The following XRCC2 variants were observed in gnomAD, a reference collection of about 807,000 sequenced individuals.
XRCC2 encodes DNA repair protein XRCC2.
In XRCC2, 24 loss-of-function variants were observed where a neutral mutation model predicts 27.3. That is an observed-to-expected ratio of 0.88 (90% CI 0.64 to 1.24). The LOEUF (loss-of-function observed/expected upper bound fraction) is 1.24. Among genes scored for constraint, XRCC2 ranks in the 50% most tolerant of loss-of-function variants. The pLI is 0.00. For synonymous variants in XRCC2, 106 were observed against 115.4 expected (o/e 0.92, Z 0.52); for missense variants, 321 against 325.8 (o/e 0.99, Z 0.11).
intron 2 of XRCC2, among the ~76,000 whole-genome samples, chr7:152,652,565 G>A (rs2116991497): frequency 6.6e-6 from 1 of 152,278 alleles, no homozygotes; most frequent in East Asian, 1.9e-4. Flanking sequence ...CTGAGGTAGG[G>A]AAAGCAAACT....
chr7:152,674,789 T>TTATATATAA (rs74203152), intron 1 of XRCC2, among the ~76,000 whole-genome samples: 2 of 125,030 alleles, frequency 1.6e-5, no homozygotes, highest in East Asian at 2.4e-4. Flanking sequence ...TAAATATATA[T>TTATATATAA]ATATCTATGG....
At chr7:152,661,422 C>T (rs747615407) in intron 1 of XRCC2, among the ~76,000 whole-genome samples, 1 of 152,076 alleles carries the variant, frequency 6.6e-6, no homozygotes, top group Non-Finnish European at 1.5e-5. Flanking sequence ...TTTGTCTGCC[C>T]CATTCATTGT....
At chr7:152,674,278 C>CA (rs1174871544) in intron 1 of XRCC2, among the ~76,000 whole-genome samples, 1 of 152,038 alleles carries the variant, frequency 6.6e-6, no homozygotes, top group Non-Finnish European at 1.5e-5. Context: ...GTTCTGATTG[C>CA]AAAAATCATC....
At chr7:152,666,592 A>G (rs997098481) in intron 1 of XRCC2, among the ~76,000 whole-genome samples, 6 of 151,926 alleles carry the variant, frequency 3.9e-5, no homozygotes, top group Non-Finnish European at 2.9e-5. Context: ...CTGAAAGAGT[A>G]TAACTCAAAG....
intron 1 of XRCC2, among the ~76,000 whole-genome samples, chr7:152,662,733 C>T (rs542543607): frequency 2.9e-4 from 44 of 150,842 alleles, no homozygotes; most frequent in Middle Eastern, 3.4e-3. Flanking sequence ...CCACTACGCC[C>T]GGCTAATTTT....
chr7:152,662,991 G>C (rs3218459), intron 1 of XRCC2, among the ~76,000 whole-genome samples: 89 of 152,238 alleles, frequency 5.8e-4, no homozygotes, highest in African/African-American at 2.1e-3. Context: ...GAAGCACTGT[G>C]CTAGGTAAAA....
chr7:152,662,722 G>A (rs1347751529), intron 1 of XRCC2, among the ~76,000 whole-genome samples: 3 of 150,350 alleles, frequency 2.0e-5, no homozygotes, highest in East Asian at 2.0e-4. Flanking sequence ...ACAGGCGCCC[G>A]CCACTACGCC....
intron 1 of XRCC2, among the ~76,000 whole-genome samples, chr7:152,668,512 C>T (rs962805067): frequency 6.6e-6 from 1 of 151,604 alleles, no homozygotes; most frequent in South Asian, 2.1e-4. Flanking sequence ...GTTTCAGAAG[C>T]GAAAGAAGAG....
At chr7:152,659,143 GT>G (rs369420541) in intron 2 of XRCC2, among the ~76,000 whole-genome samples, 42 of 148,228 alleles carry the variant, frequency 2.8e-4, no homozygotes, top group East Asian at 2.7e-3. Context: ...GCTATTTCCT[GT>G]TTTTTTTTTG....
At chr7:152,672,974 C>A (rs2098038748) in intron 1 of XRCC2, among the ~76,000 whole-genome samples, 1 of 152,018 alleles carries the variant, frequency 6.6e-6, no homozygotes, top group South Asian at 2.1e-4. Context: ...GTGGATGATA[C>A]CAAAATACTG....
chr7:152,646,875 A>G lies in XRCC2; in HGVS notation c.*1767T>C, dbSNP rs1462635874. 2 of 152,098 alleles carry G rather than the reference A, an allele frequency of 1.3e-5. No homozygotes were observed. The highest frequency in any genetic ancestry group is 2.4e-5 in the African/African-American group (1 of 41,350). The allele number at this position is 152,098 out of a possible 1,614,324, so 9.4% of individuals were successfully genotyped here. A position where few individuals can be genotyped will look rare whatever the true frequency, so the allele number is the denominator to read the frequency against. On this transcript the variant is annotated 3_prime_UTR_variant, in exon 3 of 3. Transcript: ENST00000359321. ...ACTGATGGGCAGTGCTGCAACGAAC[A>G]TACGCGTGCATGTGTCTTTATAACA...
rs3218529 is a variant in XRCC2, at chr7:152,650,156, A to T, written c.122-793T>A. On this transcript the variant is annotated intron_variant, in intron 2 of 2. Transcript: ENST00000359321. ...CAGTGTTATTGATGTTATGGGGGGA[A>T]CAATTCTGGATTTTGTGGTTTCACA... Among the ~76,000 whole-genome samples, 1,398 of 152,332 alleles carry T rather than the reference A, an allele frequency of 9.2e-3. 20 individuals carry two copies. The highest frequency in any genetic ancestry group is 0.031 in the African/African-American group (1,272 of 41,568).
intron 1 of XRCC2, chr7:152,663,846 C>A (rs117946176): frequency 0.38 from 57,503 of 151,634 alleles, 12,588 homozygotes; most frequent in Non-Finnish European, 0.46. Flanking sequence ...CCCCCTGCCC[C>A]CCCCCCCCAA....
chr7:152,657,956 C>CTTTGTGTTTT (rs2098031390), intron 2 of XRCC2, among the ~76,000 whole-genome samples: 1 of 136,514 alleles, frequency 7.3e-6, no homozygotes. Context: ...AACTTTTTGT[C>CTTTGTGTTTT]TTTGTTTTTT....
At chr7:152,667,096 G>A (rs1051687007) in intron 1 of XRCC2, among the ~76,000 whole-genome samples, 1 of 151,982 alleles carries the variant, frequency 6.6e-6, no homozygotes, top group Non-Finnish European at 1.5e-5. Context: ...GAGAAATCCT[G>A]GCAAAATAGT....
chr7:152,674,787 T>C (rs2098040152), intron 1 of XRCC2, among the ~76,000 whole-genome samples: 1 of 143,094 alleles, frequency 7.0e-6, no homozygotes, highest in South Asian at 2.1e-4. Flanking sequence ...TTTAAATATA[T>C]ATATATCTAT....
chr7:152,663,334 A>G (rs2098034114), intron 1 of XRCC2, among the ~76,000 whole-genome samples: 1 of 103,320 alleles, frequency 9.7e-6, no homozygotes, highest in Non-Finnish European at 2.0e-5. Flanking sequence ...TTACGTAAGA[A>G]TGTCTTTGAA....
In XRCC2 at chr7:152,646,356, C is replaced by G; in HGVS notation, c.*2286G>C. On this transcript the variant is annotated 3_prime_UTR_variant, in exon 3 of 3. Transcript: ENST00000359321. ...TCCCTTCTTTGTATCCAGGAGTTCTCATCATTTAGCTCCCACTTATAAGTG... is the reference window on the plus strand; with the variant it reads ...TCCCTTCTTTGTATCCAGGAGTTCTGATCATTTAGCTCCCACTTATAAGTG... 7.0e-6 allele frequency: 1 copy of G among 143,278 alleles called. No individual in the cohort carries two copies. Among genetic ancestry groups the G allele is most frequent in the Non-Finnish European group, 1.5e-5 (1 of 66,380 alleles). 8.9% of individuals were successfully genotyped at this position (143,278 alleles called of 1,614,324 possible).
At position 152,673,105 on chromosome 7, in the gene XRCC2, T is replaced by C. The variant is rs140477375; in HGVS notation, c.39+2936A>G. Among the ~76,000 whole-genome samples, 251 of 152,344 alleles carry C rather than the reference T, an allele frequency of 1.6e-3. 4 individuals are homozygous for C. The highest frequency in any genetic ancestry group is 5.7e-3 in the African/African-American group (235 of 41,582). ...TAAACTGTAGTCAAATGCTTGTCTTTTTTAAATCAAGGGCACATATGTTTT... is the reference window on the plus strand; with the variant it reads ...TAAACTGTAGTCAAATGCTTGTCTTCTTTAAATCAAGGGCACATATGTTTT... On this transcript the variant is annotated intron_variant, in intron 1 of 2. Transcript: ENST00000359321.
Sources: allele counts gnomAD v4.1 joint callset (sites outside exome capture counted in the v4.1 genomes callset), GRCh38; gene constraint gnomAD v4.1.1; transcripts MANE v1.5; gene names NCBI Gene and HGNC (gene_info 2026-07-23, HGNC 2026-07-21).